CDK14: variants seen among roughly 807,000 people sequenced by gnomAD.
CDK14 encodes cyclin-dependent kinase 14.
In CDK14, 34 loss-of-function variants were observed where a neutral mutation model predicts 60.7. That is an observed-to-expected ratio of 0.56 (90% CI 0.43 to 0.75). The LOEUF (loss-of-function observed/expected upper bound fraction) is 0.75. CDK14 is among the 30% of genes least tolerant of loss of function. The probability of loss-of-function intolerance (pLI) is 0.00; values close to 1 mark genes in which losing one functional copy is unlikely to be tolerated. For missense variants in CDK14, 482 were observed against 564.1 expected (o/e 0.85, Z 1.47); for synonymous variants, 197 against 203.7 (o/e 0.97, Z 0.28).
intron 9 of CDK14, among the ~76,000 whole-genome samples, chr7:90,961,372 AC>A (rs1453818730): frequency 1.3e-5 from 2 of 152,150 alleles, no homozygotes; most frequent in African/African-American, 2.4e-5. Context: ...AAAAAAATAA[AC>A]CAAGGAATCC....
At chr7:90,811,755 TCAAA>T (rs1419165174) in intron 5 of CDK14, among the ~76,000 whole-genome samples, 63 of 151,818 alleles carry the variant, frequency 4.1e-4, no homozygotes, top group Non-Finnish European at 8.5e-4. Flanking sequence ...TACAATGAAC[TCAAA>T]CAAATTTACA....
chr7:90,638,669 C>T (rs570013418), intron 2 of CDK14, among the ~76,000 whole-genome samples: 8 of 152,226 alleles, frequency 5.3e-5, no homozygotes, highest in South Asian at 2.1e-4. Flanking sequence ...TGAATCTGAA[C>T]GTTGGCCTGC....
rs575397029 is a variant in CDK14, at chr7:90,731,900, G to C, written c.369+5088G>C. 5.9e-5 allele frequency among the ~76,000 whole-genome samples: 9 copies of C among 152,068 alleles called. No individual in the cohort carries two copies. The East Asian group carries it at 7.7e-4, about 13-fold the overall frequency. On this transcript the variant is annotated intron_variant, in intron 3 of 14. Coordinates refer to ENST00000380050, the MANE Select transcript of CDK14 (RefSeq NM_001287135.2). ...TGTTGAATAGGAGGGGTGAGAGAGG[G>C]CATCCTTGTCTTGTGCCGGTTTTCA...
At chr7:90,707,656 G>C (rs906988345) in intron 2 of CDK14, among the ~76,000 whole-genome samples, 1 of 152,110 alleles carries the variant, frequency 6.6e-6, no homozygotes, top group African/African-American at 2.4e-5. Context: ...CTGAGCCTTC[G>C]CAGTGGTGAC....
chr7:90,692,880 A>G (rs570074291), intron 2 of CDK14: 8 of 152,504 alleles, frequency 5.2e-5, no homozygotes, highest in Admixed American at 2.6e-4. Flanking sequence ...AAGTTACTGC[A>G]TTGGTCTGAT....
chr7:90,949,107 C>T (rs1388341695), intron 8 of CDK14, among the ~76,000 whole-genome samples: 1 of 151,996 alleles, frequency 6.6e-6, no homozygotes, highest in African/African-American at 2.4e-5. Context: ...TGAATATTTT[C>T]TGTCTTCTTT....
At chr7:90,930,529 CT>C (rs61187542) in intron 8 of CDK14, among the ~76,000 whole-genome samples, 1,421 of 81,192 alleles carry the variant, frequency 0.018, 3 homozygotes, top group Non-Finnish European at 0.021. Flanking sequence ...ACAGGCTAAG[CT>C]TTTTTTTTTT....
intron 12 of CDK14, among the ~76,000 whole-genome samples, chr7:91,084,504 C>T (rs1798574541): frequency 6.6e-6 from 1 of 152,256 alleles, no homozygotes; most frequent in Admixed American, 6.5e-5. Flanking sequence ...TACCCACTCA[C>T]ACCCTACCAG....
chr7:91,112,807 T>A, intron 13 of CDK14, 126 bp downstream of exon 13: 2 of 951,260 alleles, frequency 2.1e-6, no homozygotes, highest in Non-Finnish European at 3.2e-6. Flanking sequence ...AATGTATGTT[T>A]GTATGTGCAT....
chr7:90,649,355 TCCTTCCTTC>T (rs1563029982), intron 2 of CDK14, among the ~76,000 whole-genome samples: 3 of 51,728 alleles, frequency 5.8e-5, no homozygotes, highest in African/African-American at 2.4e-4. Flanking sequence ...CTTCCTTCCT[TCCTTCCTTC>T]CTTTCCTTCC....
chr7:90,711,318 A>G (rs1194989998), intron 2 of CDK14, among the ~76,000 whole-genome samples: 3 of 151,964 alleles, frequency 2.0e-5, no homozygotes, highest in African/African-American at 7.2e-5. Flanking sequence ...TTGGGAGTGA[A>G]TATTTGGATT....
intron 6 of CDK14, among the ~76,000 whole-genome samples, chr7:90,869,554 A>C (rs982761835): frequency 6.6e-6 from 1 of 152,198 alleles, no homozygotes; most frequent in African/African-American, 2.4e-5. Context: ...AAATTATTTG[A>C]TCTGACTCAT....
At chr7:91,148,054 T>C (rs1800711631) in intron 14 of CDK14, among the ~76,000 whole-genome samples, 1 of 152,128 alleles carries the variant, frequency 6.6e-6, no homozygotes, top group Admixed American at 6.5e-5. Context: ...TTAAGCTGTA[T>C]AGTCTGAAAT....
intron 11 of CDK14, among the ~76,000 whole-genome samples, chr7:91,075,011 C>T (rs1798255222): frequency 6.6e-6 from 1 of 152,038 alleles, no homozygotes; most frequent in Non-Finnish European, 1.5e-5. Flanking sequence ...AGCCTACAAA[C>T]CAAAAAAAGC....
In CDK14 at chr7:91,087,605, G is replaced by GAC. The variant is rs536902626; in HGVS notation, c.1154+8129_1154+8130dup. ...GTATAAATTACTGGGTACCTTACTA[G>GAC]ACACAGTCCTTTGGCAAATATTAGT... is the stretch of plus-strand genomic sequence containing the variant. On this transcript the variant is annotated intron_variant, in intron 12 of 14. Transcript: ENST00000380050. Among the ~76,000 whole-genome samples, 17 of 152,188 alleles carry GAC rather than the reference G, an allele frequency of 1.1e-4. No homozygotes were observed. The East Asian group carries it at 2.3e-3, about 21-fold the overall frequency.
intron 4 of CDK14, among the ~76,000 whole-genome samples, chr7:90,770,688 A>G (rs1356216833): frequency 6.6e-6 from 1 of 152,164 alleles, no homozygotes; most frequent in African/African-American, 2.4e-5. Context: ...CCAGGCTTTA[A>G]ATGTGCTTTG....
intron 2 of CDK14, among the ~76,000 whole-genome samples, chr7:90,626,928 G>A (rs1799887804): frequency 6.6e-6 from 1 of 151,082 alleles, no homozygotes; most frequent in Admixed American, 6.6e-5. Flanking sequence ...GATAGAATGA[G>A]ACCCTGTCTC....
intron 2 of CDK14, chr7:90,709,854 G>C: frequency 7.2e-7 from 1 of 1,383,156 alleles, no homozygotes; most frequent in African/African-American, 1.5e-5. Flanking sequence ...GCAGAAAGAT[G>C]TGAATTCAGT....
intron 9 of CDK14, among the ~76,000 whole-genome samples, chr7:90,968,466 G>C (rs1794821215): frequency 6.6e-6 from 1 of 152,090 alleles, no homozygotes; most frequent in Non-Finnish European, 1.5e-5. Flanking sequence ...CACCCATGTG[G>C]GTTGCTCATC....
Sources: allele counts gnomAD v4.1 joint callset (sites outside exome capture counted in the v4.1 genomes callset), GRCh38; gene constraint gnomAD v4.1.1; transcripts MANE v1.5; gene names NCBI Gene and HGNC (gene_info 2026-07-23, HGNC 2026-07-21).